KHDRBS2: variants seen among roughly 807,000 people sequenced by gnomAD.
KHDRBS2 encodes KH RNA binding domain containing, signal transduction associated 2, also known as KH domain-containing, RNA-binding, signal transduction-associated protein 2.
In KHDRBS2, 26 loss-of-function variants were observed where a neutral mutation model predicts 44.3. The ratio of observed to expected loss-of-function variants is 0.59; its 90% CI spans 0.43 to 0.81. The LOEUF is 0.81. Among genes scored for constraint, KHDRBS2 ranks in the 40% least tolerant of loss-of-function variants. KHDRBS2 has a pLI of 0.00. For synonymous variants in KHDRBS2, 194 were observed against 151.1 expected, an observed-to-expected ratio of 1.28 and a Z score of -2.08; for missense variants, 476 against 433.1, an observed-to-expected ratio of 1.10 and a Z score of -0.88.
At chr6:62,194,481 T>C (rs1421231317) in intron 1 of KHDRBS2, among the ~76,000 whole-genome samples, 1 of 6,104 alleles carries the variant, frequency 1.6e-4, no homozygotes, top group Non-Finnish European at 3.4e-4. Flanking sequence ...CTTTTCTTCC[T>C]TTTTTTTTTT....
At chr6:61,550,926 C>T in the KHDRBS2 span, among the ~76,000 whole-genome samples, 1 of 151,954 alleles carries the variant, frequency 6.6e-6, no homozygotes, top group Non-Finnish European at 1.5e-5. Context: ...GCACATGCCA[C>T]CACGCCTGGC....
intron 1 of KHDRBS2, among the ~76,000 whole-genome samples, chr6:62,209,225 A>C (rs1156331354): frequency 4.6e-5 from 7 of 152,242 alleles, no homozygotes; most frequent in Non-Finnish European, 1.0e-4. Flanking sequence ...ATTCCTTAGA[A>C]AAGGAAAAAT....
At chr6:62,003,675 A>G (rs908946579) in intron 3 of KHDRBS2, among the ~76,000 whole-genome samples, 1 of 152,142 alleles carries the variant, frequency 6.6e-6, no homozygotes, top group Non-Finnish European at 1.5e-5. Context: ...CCTAATAGAC[A>G]TCTACAGAAC....
At chr6:61,972,894 C>T (rs1393670) in intron 4 of KHDRBS2, among the ~76,000 whole-genome samples, 6,844 of 152,192 alleles carry the variant, frequency 0.045, 543 homozygotes, top group African/African-American at 0.16. Context: ...GCCTGTCATC[C>T]CAGCATTTTA....
At chr6:62,224,500 C>CT (rs929822467) in intron 1 of KHDRBS2, among the ~76,000 whole-genome samples, 8 of 152,298 alleles carry the variant, frequency 5.3e-5, no homozygotes, top group Middle Eastern at 3.4e-3. Flanking sequence ...AATGGCTAAA[C>CT]TTTCCTAATA....
chr6:62,188,622 G>A (rs1233440366), intron 1 of KHDRBS2, among the ~76,000 whole-genome samples: 1 of 152,122 alleles, frequency 6.6e-6, no homozygotes, highest in Non-Finnish European at 1.5e-5. Flanking sequence ...ATGAAGATCT[G>A]GGGTAGAGTT....
chr6:62,102,267 C>A (rs1802070741), intron 2 of KHDRBS2, among the ~76,000 whole-genome samples: 1 of 152,160 alleles, frequency 6.6e-6, no homozygotes, highest in African/African-American at 2.4e-5. Flanking sequence ...TTAGTCTCTT[C>A]TCACATTGCT....
At chr6:62,273,944 TTTTTTA>T (rs1414979708) in intron 1 of KHDRBS2, among the ~76,000 whole-genome samples, 1 of 152,090 alleles carries the variant, frequency 6.6e-6, no homozygotes, top group Non-Finnish European at 1.5e-5. Context: ...AATTCTTTTA[TTTTTTA>T]TTTTTTTGAA....
chr6:61,543,575 A>T, the KHDRBS2 span, among the ~76,000 whole-genome samples: 2 of 152,068 alleles, frequency 1.3e-5, no homozygotes, highest in Non-Finnish European at 2.9e-5. Context: ...CTACCATATG[A>T]TCTTATCCAC....
At chr6:61,669,133 A>G in the KHDRBS2 span, among the ~76,000 whole-genome samples, 1 of 151,058 alleles carries the variant, frequency 6.6e-6, no homozygotes, top group African/African-American at 2.4e-5. Context: ...CATGATGATT[A>G]GGGTTACTGT....
At chr6:61,671,366 T>A in the KHDRBS2 span, among the ~76,000 whole-genome samples, 1 of 151,602 alleles carries the variant, frequency 6.6e-6, no homozygotes. Flanking sequence ...CATTCTGTAT[T>A]TTTTTGTGTT....
chr6:61,696,492 C>T (rs1470512449), intron 8 of KHDRBS2, among the ~76,000 whole-genome samples: 1 of 151,710 alleles, frequency 6.6e-6, no homozygotes, highest in Non-Finnish European at 1.5e-5. Flanking sequence ...CTCCTGATCT[C>T]GTGATCCGCC....
chr6:61,947,740 A>G (rs9342538), intron 4 of KHDRBS2, among the ~76,000 whole-genome samples: 51,971 of 151,720 alleles, frequency 0.34, 9,060 homozygotes, highest in Middle Eastern at 0.41. Flanking sequence ...ATAGTGAAAC[A>G]TTTGCTTCAT....
intron 2 of KHDRBS2, among the ~76,000 whole-genome samples, chr6:62,115,386 C>A (rs1455933839): frequency 6.6e-6 from 1 of 152,096 alleles, no homozygotes; most frequent in Non-Finnish European, 1.5e-5. Flanking sequence ...CTACCATTAT[C>A]CAGTTTTACA....
At chr6:61,560,811 T>G in the KHDRBS2 span, among the ~76,000 whole-genome samples, 6 of 152,200 alleles carry the variant, frequency 3.9e-5, no homozygotes, top group Admixed American at 2.6e-4. Context: ...TTGGATTGTC[T>G]CTCATGCTTT....
chr6:62,171,382 T>TA (rs143467748), intron 2 of KHDRBS2, among the ~76,000 whole-genome samples: 3,077 of 146,380 alleles, frequency 0.021, 108 homozygotes, highest in East Asian at 0.17. Flanking sequence ...AGACAAAAAT[T>TA]AAAAAAAAAA....
At chr6:61,600,150 T>C in the KHDRBS2 span, among the ~76,000 whole-genome samples, 1 of 152,196 alleles carries the variant, frequency 6.6e-6, no homozygotes, top group South Asian at 2.1e-4. Flanking sequence ...CCTTGATGGG[T>C]TCCACAGGCT....
chr6:62,083,517 C>T (rs1797817137), intron 2 of KHDRBS2, among the ~76,000 whole-genome samples: 1 of 152,190 alleles, frequency 6.6e-6, no homozygotes, highest in Admixed American at 6.5e-5. Context: ...CATCCACGGA[C>T]AGCAAAACTA....
At chr6:61,858,527 C>T (rs777342004) in intron 6 of KHDRBS2, among the ~76,000 whole-genome samples, 6 of 151,994 alleles carry the variant, frequency 3.9e-5, no homozygotes, top group Non-Finnish European at 8.8e-5. Context: ...TGTGAAAAGA[C>T]ATGTACTTAC....
Sources: gnomAD v4.1 joint callset for allele counts (sites outside exome capture counted in the v4.1 genomes callset) on GRCh38, gnomAD v4.1.1 for gene constraint, MANE v1.5 for transcripts, NCBI Gene and HGNC (gene_info 2026-07-23, HGNC 2026-07-21) for gene names.